RASGRP3: variants seen among roughly 807,000 people sequenced by gnomAD.
RASGRP3 encodes RAS guanyl releasing protein 3.
RASGRP3 carries 54 observed loss-of-function variants against 82.7 expected under a neutral mutation model. The observed-to-expected ratio is 0.65, with a 90% CI of 0.52 to 0.82. The LOEUF (loss-of-function observed/expected upper bound fraction) is 0.82, where lower values mean the gene tolerates loss of function less well. Ranked by LOEUF, RASGRP3 falls within the 40% of genes least tolerant of loss-of-function variation. The pLI is 0.00. For synonymous variants in RASGRP3, 309 were observed against 300.5 expected, an observed-to-expected ratio of 1.03 and a Z score of -0.29; for missense variants, 861 against 828.9, an observed-to-expected ratio of 1.04 and a Z score of -0.48.
intron 2 of RASGRP3, among the ~76,000 whole-genome samples, chr2:33,453,067 A>G (rs1454270877): frequency 1.3e-5 from 2 of 152,106 alleles, no homozygotes; most frequent in Non-Finnish European, 1.5e-5. Flanking sequence ...GGGAGGGATG[A>G]TATCAGTAAT....
chr2:33,471,844 CCTT>C (rs1248357603), upstream of RASGRP3, among the ~76,000 whole-genome samples: 1 of 152,064 alleles, frequency 6.6e-6, no homozygotes, highest in Admixed American at 6.6e-5. Context: ...ATCACTGAAA[CCTT>C]CTAAGCATTC....
intron 13 of RASGRP3, among the ~76,000 whole-genome samples, chr2:33,544,696 TA>T (rs1026355363): frequency 6.6e-6 from 1 of 152,090 alleles, no homozygotes; most frequent in African/African-American, 2.4e-5. Context: ...TGAGAATTCT[TA>T]AAAAACGAAA....
chr2:33,470,036 C>A (rs553218815), intron 2 of RASGRP3, among the ~76,000 whole-genome samples: 1 of 152,172 alleles, frequency 6.6e-6, no homozygotes, highest in Admixed American at 6.5e-5. Context: ...TTATTTTTAG[C>A]CTATTTAGTA....
At chr2:33,561,049 G>T (rs1270390153) in intron 17 of RASGRP3, among the ~76,000 whole-genome samples, 1 of 151,662 alleles carries the variant, frequency 6.6e-6, no homozygotes, top group Non-Finnish European at 1.5e-5. Flanking sequence ...TCCTTTCTGT[G>T]TTCTTATCTC....
At chr2:33,527,509 G>GA in intron 10 of RASGRP3, 97 bp downstream of exon 10, 1 of 1,329,012 alleles carries the variant, frequency 7.5e-7, no homozygotes, top group Non-Finnish European at 1.0e-6. Context: ...CATTCTGGGG[G>GA]AAAATTGGTT....
intron 10 of RASGRP3, among the ~76,000 whole-genome samples, chr2:33,527,636 C>T (rs1672711490): frequency 1.3e-5 from 2 of 152,220 alleles, no homozygotes; most frequent in Non-Finnish European, 2.9e-5. Context: ...CGGAGGGGCC[C>T]AGTCTCTGCC....
At chr2:33,546,172 C>T (rs1261525373) in intron 13 of RASGRP3, among the ~76,000 whole-genome samples, 1 of 151,392 alleles carries the variant, frequency 6.6e-6, no homozygotes, top group Non-Finnish European at 1.5e-5. Flanking sequence ...GCCTGTAATC[C>T]CAGAACTTTG....
rs760438655 is a variant in RASGRP3, at chr2:33,524,061, G to T, written c.690+9G>T. 1 of 1,612,064 alleles carries T rather than the reference G, an allele frequency of 6.2e-7. No homozygotes were observed. The highest frequency in any genetic ancestry group is 2.2e-5 in the East Asian group (1 of 44,856). On this transcript the variant is annotated intron_variant, in intron 8 of 17. Transcript: ENST00000403687. Reference sequence around the variant, plus strand: ...TTATCAATGTTGCAAAGGTATGTCTGGTAATCAGACTGGGTTCTTGAGTTC... The same window carrying T: ...TTATCAATGTTGCAAAGGTATGTCTTGTAATCAGACTGGGTTCTTGAGTTC...
At chr2:33,510,995 G>A (rs1374623205) in intron 1 of RASGRP3, among the ~76,000 whole-genome samples, 2 of 152,168 alleles carry the variant, frequency 1.3e-5, no homozygotes, top group Non-Finnish European at 2.9e-5. Context: ...GGCTTCACAA[G>A]TCATGTTAAT....
chr2:33,534,509 A>G (rs1673411473), intron 11 of RASGRP3, 109 bp downstream of exon 11: 1 of 770,886 alleles, frequency 1.3e-6, no homozygotes, highest in South Asian at 1.8e-5. Flanking sequence ...AGAATTTTAA[A>G]AATTGACATT....
intron 4 of RASGRP3, among the ~76,000 whole-genome samples, chr2:33,519,373 T>C (rs1671782854): frequency 6.6e-6 from 1 of 152,096 alleles, no homozygotes; most frequent in African/African-American, 2.4e-5. Context: ...TCCCAGCACT[T>C]TGGGAGGCCG....
chr2:33,478,973 C>G (rs1037878291), intron 1 of RASGRP3, among the ~76,000 whole-genome samples: 1 of 152,152 alleles, frequency 6.6e-6, no homozygotes, highest in African/African-American at 2.4e-5. Flanking sequence ...ATACGTAACA[C>G]AGACAGGAGG....
rs1203870187 is a variant in RASGRP3, at chr2:33,540,569, TG to T, written c.1278+1360del. ...TGTGTGTGTGTTTTGTGTGTGTGTG[TG>T]TGTGTGTGTGTGTGTGTGTGTGTGT... On this transcript the variant is annotated intron_variant, in intron 12 of 17. Coordinates refer to ENST00000403687, the MANE Select transcript of RASGRP3 (RefSeq NM_001139488.2). 1.0e-2 allele frequency among the ~76,000 whole-genome samples: 209 copies of T among 20,912 alleles called. 24 individuals carry two copies. The highest frequency in any genetic ancestry group is 0.094 in the Middle Eastern group (3 of 32). 13.7% of individuals were successfully genotyped at this position (20,912 alleles called of 152,430 possible).
At chr2:33,452,458 C>G (rs1665850838) in intron 2 of RASGRP3, among the ~76,000 whole-genome samples, 1 of 152,128 alleles carries the variant, frequency 6.6e-6, no homozygotes, top group African/African-American at 2.4e-5. Flanking sequence ...GGCAAGTTGC[C>G]TTGGTGCCTG....
At chr2:33,547,103 C>T (rs1470082754) in intron 13 of RASGRP3, among the ~76,000 whole-genome samples, 1 of 148,520 alleles carries the variant, frequency 6.7e-6, no homozygotes, top group Non-Finnish European at 1.5e-5. Context: ...ATGTGTTTTG[C>T]AGGAACGCGG....
chr2:33,466,450 G>A (rs952060107), intron 2 of RASGRP3, among the ~76,000 whole-genome samples: 9 of 152,014 alleles, frequency 5.9e-5, no homozygotes, highest in South Asian at 2.1e-4. Context: ...AGGCCGAGGC[G>A]GACAGATCAC....
At chr2:33,523,670 C>T (rs1300330593) in intron 7 of RASGRP3, among the ~76,000 whole-genome samples, 1 of 151,950 alleles carries the variant, frequency 6.6e-6, no homozygotes, top group Non-Finnish European at 1.5e-5. Context: ...GGTGTCTTTG[C>T]GTGGGGTGAG....
Position 33,522,084 on chromosome 2 carries a change from A to T in RASGRP3, c.498A>T (p.Lys166Asn), listed in dbSNP as rs1301658039. Reference sequence around the variant, plus strand: ...AGCACCTCACTTTTCTGGAGCATAAATCTTTTAGAAGGATCTCAGTAAGAA... The same window carrying T: ...AGCACCTCACTTTTCTGGAGCATAATTCTTTTAGAAGGATCTCAGTAAGAA... ...LAEHLTFLEH[K>N]SFRRISFTDY... Residue 166 changes from lysine to asparagine, a missense_variant, in exon 7 of 18, where the codon AAA (lysine) becomes AAT (asparagine). Coordinates refer to ENST00000403687, the MANE Select transcript of RASGRP3 (RefSeq NM_001139488.2). The T allele has an allele frequency of 1.9e-6, 3 of 1,607,936 alleles. No individual in the cohort carries two copies. The highest frequency in any genetic ancestry group is 2.5e-6 in the Non-Finnish European group (3 of 1,178,570).
chr2:33,563,288 C>T lies in RASGRP3; in HGVS notation c.*551C>T, dbSNP rs1574523023. Reference sequence around the variant, plus strand: ...TAACATTTTCCTGAGGACTAGGAAGCTCATCAGACACTGGAATGCAGTGAT... The same window carrying T: ...TAACATTTTCCTGAGGACTAGGAAGTTCATCAGACACTGGAATGCAGTGAT... On this transcript the variant is annotated 3_prime_UTR_variant, in exon 18 of 18. Coordinates refer to ENST00000403687, the MANE Select transcript of RASGRP3 (RefSeq NM_001139488.2). 6.5e-6 allele frequency: 1 copy of T among 152,786 alleles called. No homozygotes were observed. The highest frequency in any genetic ancestry group is 1.9e-4 in the East Asian group (1 of 5,178). The allele number at this position is 152,786 out of a possible 1,614,324, so 9.5% of individuals were successfully genotyped here.
Sources: gnomAD v4.1 joint callset for allele counts (sites outside exome capture counted in the v4.1 genomes callset) on GRCh38, gnomAD v4.1.1 for gene constraint, MANE v1.5 for transcripts, NCBI Gene and HGNC (gene_info 2026-07-23, HGNC 2026-07-21) for gene names.